GPM6A: variants seen among roughly 807,000 people sequenced by gnomAD.
GPM6A encodes the protein glycoprotein M6A, also known as neuronal membrane glycoprotein M6-a.
GPM6A carries 7 observed loss-of-function variants against 32.1 expected under a neutral mutation model. The observed-to-expected ratio is 0.22, with a 90% CI of 0.12 to 0.41. The LOEUF (loss-of-function observed/expected upper bound fraction) is 0.41, where lower values mean the gene tolerates loss of function less well. Among genes scored for constraint, GPM6A ranks in the 10% least tolerant of loss-of-function variants. The pLI is 1.00. For missense variants in GPM6A, 235 were observed against 347.2 expected (o/e 0.68, Z 2.57); for synonymous variants, 130 against 123.4 (o/e 1.05, Z -0.35).
intron 1 of GPM6A, among the ~76,000 whole-genome samples, chr4:175,739,305 C>T (rs187699364): frequency 5.3e-5 from 8 of 152,146 alleles, no homozygotes; most frequent in East Asian, 1.9e-4. Context: ...TAAATTCAAT[C>T]GTCAATAATA....
chr4:175,837,727 A>G lies in GPM6A; in HGVS notation c.-22-25478T>C, dbSNP rs375260454. Among the ~76,000 whole-genome samples, 6 of 152,068 alleles carry G rather than the reference A, an allele frequency of 3.9e-5. No homozygotes were observed. In the East Asian group the frequency reaches 9.7e-4, roughly 24 times the overall value. ...CTCATTTATGGAAAAAGAACCAATG[A>G]TCCCTCTTCTCTGTGACATTTATAG... On this transcript the variant is annotated intron_variant, in intron 1 of 7. Coordinates refer to the GPM6A transcript ENST00000280187.
intron 1 of GPM6A, among the ~76,000 whole-genome samples, chr4:175,759,519 G>T (rs1732659506): frequency 6.6e-6 from 1 of 151,988 alleles, no homozygotes; most frequent in Non-Finnish European, 1.5e-5. Context: ...CCAAACCTAT[G>T]CTGGCAATCA....
intron 1 of GPM6A, among the ~76,000 whole-genome samples, chr4:175,737,031 C>T (rs1357987122): frequency 6.6e-6 from 1 of 152,126 alleles, no homozygotes; most frequent in Non-Finnish European, 1.5e-5. Context: ...GACTATGTTA[C>T]TGGTTTATGT....
At chr4:175,737,942 T>C (rs1395262081) in intron 1 of GPM6A, among the ~76,000 whole-genome samples, 10 of 151,654 alleles carry the variant, frequency 6.6e-5, no homozygotes, top group Non-Finnish European at 1.5e-4. Context: ...AGGTCCCTTT[T>C]TTTTTTTTTT....
chr4:175,864,775 T>C (rs1736679147), intron 1 of GPM6A, among the ~76,000 whole-genome samples: 1 of 152,152 alleles, frequency 6.6e-6, no homozygotes, highest in African/African-American at 2.4e-5. Context: ...CTATTTGGTG[T>C]TCTTTATACC....
At chr4:175,917,210 G>T in intron 1 of GPM6A, among the ~76,000 whole-genome samples, 1 of 152,126 alleles carries the variant, frequency 6.6e-6, no homozygotes, top group Non-Finnish European at 1.5e-5. Context: ...CAAGCGAATG[G>T]GTCCCAAGGC....
intron 1 of GPM6A, among the ~76,000 whole-genome samples, chr4:175,849,223 T>C (rs1353913409): frequency 2.6e-5 from 4 of 152,196 alleles, no homozygotes; most frequent in Non-Finnish European, 5.9e-5. Context: ...TTATTCAATA[T>C]CCATGTACTT....
intron 1 of GPM6A, among the ~76,000 whole-genome samples, chr4:175,875,118 T>C (rs1737040761): frequency 6.6e-6 from 1 of 152,160 alleles, no homozygotes; most frequent in Admixed American, 6.5e-5. Context: ...CTCCTGGGAC[T>C]TTGAACCTTG....
intron 1 of GPM6A, among the ~76,000 whole-genome samples, chr4:175,986,715 A>C (rs1740987199): frequency 6.6e-6 from 1 of 152,158 alleles, no homozygotes; most frequent in Admixed American, 6.5e-5. Flanking sequence ...TGAACAATTT[A>C]AGTATCTTAT....
chr4:175,838,874 C>A (rs939703413), intron 1 of GPM6A, among the ~76,000 whole-genome samples: 1 of 151,828 alleles, frequency 6.6e-6, no homozygotes, highest in Admixed American at 6.6e-5. Flanking sequence ...AGGCTGGTTT[C>A]GAATTCCTGA....
At chr4:175,730,474 T>C (rs1034707388) in intron 1 of GPM6A, among the ~76,000 whole-genome samples, 1 of 139,048 alleles carries the variant, frequency 7.2e-6, no homozygotes, top group African/African-American at 2.8e-5. Context: ...ATCTCTTCTT[T>C]TTTTTTTTCT....
At chr4:175,693,400 A>T (rs1744406202) in intron 2 of GPM6A, among the ~76,000 whole-genome samples, 1 of 151,664 alleles carries the variant, frequency 6.6e-6, no homozygotes, top group South Asian at 2.1e-4. Flanking sequence ...CTTGAAATTC[A>T]TGATTGCTCA....
At chr4:175,795,973 C>CA (rs1181606095) in intron 1 of GPM6A, 1 of 152,298 alleles carries the variant, frequency 6.6e-6, no homozygotes, top group Admixed American at 6.6e-5. Flanking sequence ...ACTGAACCTT[C>CA]ATATGAGACT....
intron 1 of GPM6A, among the ~76,000 whole-genome samples, chr4:175,990,765 G>C (rs1741114052): frequency 6.6e-6 from 1 of 150,836 alleles, no homozygotes; most frequent in African/African-American, 2.4e-5. Flanking sequence ...TTAAATATTT[G>C]ACATTTCTTG....
At chr4:175,972,981 G>A (rs1050017116) in intron 1 of GPM6A, among the ~76,000 whole-genome samples, 9 of 152,120 alleles carry the variant, frequency 5.9e-5, no homozygotes, top group Admixed American at 3.9e-4. Context: ...ATCACATGAC[G>A]ATCATCTATG....
chr4:175,713,296 G>A (rs1745655799), intron 1 of GPM6A, among the ~76,000 whole-genome samples: 1 of 152,046 alleles, frequency 6.6e-6, no homozygotes, highest in South Asian at 2.1e-4. Flanking sequence ...TCTGCCTCCC[G>A]ATTTCAAGCC....
chr4:175,840,201 A>G (rs1735892427), intron 1 of GPM6A, among the ~76,000 whole-genome samples: 2 of 152,246 alleles, frequency 1.3e-5, no homozygotes, highest in Non-Finnish European at 2.9e-5. Context: ...TTTTCAGGAC[A>G]TAGGAAAGTG....
intron 1 of GPM6A, among the ~76,000 whole-genome samples, chr4:175,791,217 A>G (rs886557669): frequency 6.6e-6 from 1 of 152,168 alleles, no homozygotes; most frequent in Non-Finnish European, 1.5e-5. Context: ...TAAAACAAGT[A>G]GAGATAAATA....
chr4:175,910,325 A>G lies in GPM6A; in HGVS notation c.-23+91984T>C, dbSNP rs112221363. 7.7e-3 allele frequency among the ~76,000 whole-genome samples: 1,175 copies of G among 152,304 alleles called. 15 individuals carry two copies. Among genetic ancestry groups the G allele is most frequent in the African/African-American group, 0.027 (1,108 of 41,566 alleles). On this transcript the variant is annotated intron_variant, in intron 1 of 7. Transcript: ENST00000280187. ...AACACTATCTCCTTTTAATAATAAA[A>G]ATGATGAAACTCATGTAATAATAAA...
Sources: allele counts gnomAD v4.1 joint callset (sites outside exome capture counted in the v4.1 genomes callset), GRCh38; gene constraint gnomAD v4.1.1; transcripts MANE v1.5; gene names NCBI Gene and HGNC (gene_info 2026-07-23, HGNC 2026-07-21).